Variants in ZEB1 observed in about 807,000 individuals in gnomAD.
ZEB1 encodes zinc finger E-box-binding homeobox 1.
In ZEB1, 21 loss-of-function variants were observed where a neutral mutation model predicts 84.9. The observed-to-expected ratio is 0.25, with a 90% CI of 0.18 to 0.36. The LOEUF is 0.36. Ranked by LOEUF, ZEB1 falls within the 10% of genes least tolerant of loss-of-function variation. ZEB1 has a pLI of 1.00. For missense variants in ZEB1, 1,104 were observed against 1,330.2 expected (o/e 0.83, Z 2.65); for synonymous variants, 420 against 471.1 (o/e 0.89, Z 1.41).
intron 1 of ZEB1, among the ~76,000 whole-genome samples, chr10:31,417,454 G>C (rs947655415): frequency 6.6e-6 from 1 of 152,060 alleles, no homozygotes; most frequent in African/African-American, 2.4e-5. Flanking sequence ...AGAGGAAATT[G>C]CGTATTCTGG....
intron 1 of ZEB1, among the ~76,000 whole-genome samples, chr10:31,370,212 T>C (rs2045444839): frequency 1.3e-5 from 2 of 152,226 alleles, no homozygotes; most frequent in African/African-American, 4.8e-5. Context: ...GGATGAGTTA[T>C]GTCACCTGAA....
chr10:31,461,177 G>C lies in ZEB1; in HGVS notation c.199G>C (p.Val67Leu). The change falls in exon 2 of 9, where the codon GTG (valine) becomes CTG (leucine). Residue 67 changes from valine (V) to leucine (L), a missense_variant. Around this residue, in one of 7 missense-constraint regions of ZEB1, gnomAD observed 162 missense variants for 184.5 expected, o/e 0.88. Coordinates refer to ENST00000424869, the MANE Select transcript of ZEB1 (RefSeq NM_001174096.2). ...GGATGACCTGCCAACAGACCAGACA[G>C]TGTTACCAGGGAGGAGCAGTGAAAG... Reference protein sequence around the residue: ...PEDDLPTDQTVLPGRSSEREG... With the variant: ...PEDDLPTDQTLLPGRSSEREG... 1 of 1,613,530 alleles carries C rather than the reference G, an allele frequency of 6.2e-7. No homozygotes were observed. The highest frequency in any genetic ancestry group is 8.5e-7 in the Non-Finnish European group (1 of 1,179,710).
At chr10:31,483,357 T>C (rs2065304605) in intron 2 of ZEB1, among the ~76,000 whole-genome samples, 1 of 152,032 alleles carries the variant, frequency 6.6e-6, no homozygotes, top group Non-Finnish European at 1.5e-5. Flanking sequence ...GCCAAGATGG[T>C]ACATTAAGTA....
At chr10:31,440,173 G>A (rs2058751123) in intron 1 of ZEB1, among the ~76,000 whole-genome samples, 1 of 152,106 alleles carries the variant, frequency 6.6e-6, no homozygotes, top group Non-Finnish European at 1.5e-5. Context: ...TGAGACTTTT[G>A]GCCTGAACAA....
intron 1 of ZEB1, among the ~76,000 whole-genome samples, chr10:31,460,682 ACT>A (rs995488619): frequency 6.6e-6 from 1 of 151,932 alleles, no homozygotes; most frequent in Non-Finnish European, 1.5e-5. Context: ...TAGACAAGTT[ACT>A]CTCTCTCTGC....
In ZEB1 at chr10:31,527,050, AAG is replaced by A. The variant is rs2073601310; in HGVS notation, c.3166_3167del (p.Glu1056MetfsTer2). 1.9e-6 allele frequency: 3 copies of A among 1,585,028 alleles called. No homozygotes were observed. Among genetic ancestry groups the A allele is most frequent in the East Asian group, 2.3e-5 (1 of 43,102 alleles). On this transcript the variant is annotated frameshift_variant, in exon 9 of 9. Coordinates refer to ENST00000424869, the MANE Select transcript of ZEB1 (RefSeq NM_001174096.2). LOFTEE classifies it low-confidence loss of function (END_TRUNC). ...GAGATGGAAGAATTGCAGGAAGAAA[AAG>A]AATGTGAAAAACCACAAGGGGATGA... is the stretch of plus-strand genomic sequence containing the variant.
At chr10:31,387,220 G>A (rs2135098515) in intron 1 of ZEB1, 1 of 985,792 alleles carries the variant, frequency 1.0e-6, no homozygotes, top group Non-Finnish European at 1.2e-6. Context: ...GGAGGTGTGG[G>A]GTGTGAGAAC....
At chr10:31,378,215 A>T (rs922268767) in intron 1 of ZEB1, among the ~76,000 whole-genome samples, 1 of 151,618 alleles carries the variant, frequency 6.6e-6, no homozygotes, top group Non-Finnish European at 1.5e-5. Context: ...CTGAAGCACC[A>T]CTATATTATC....
Position 31,378,443 on chromosome 10 carries a change from A to G in ZEB1, c.58+59151A>G, listed in dbSNP as rs114252413. Among the ~76,000 whole-genome samples, 1,065 of 151,904 alleles carry G rather than the reference A, an allele frequency of 7.0e-3. 12 individuals carry two copies. Among genetic ancestry groups the G allele is most frequent in the African/African-American group, 0.024 (976 of 41,522 alleles). ...TAGATGCCCTTTATAGGCTTAGTAG[A>G]AGATTTAAGACTACCTATATTTTGA... On this transcript the variant is annotated intron_variant, in intron 1 of 8. Coordinates refer to ENST00000424869, the MANE Select transcript of ZEB1 (RefSeq NM_001174096.2).
At chr10:31,468,517 C>T (rs2062727558) in intron 2 of ZEB1, among the ~76,000 whole-genome samples, 2 of 152,298 alleles carry the variant, frequency 1.3e-5, no homozygotes, top group African/African-American at 4.8e-5. Context: ...AAGTACACAG[C>T]TCTAAGGAAT....
rs539113494 is a variant in ZEB1 at position 31,437,619 on chromosome 10, A to G, written c.59-23418A>G. Among the ~76,000 whole-genome samples, 25 of 152,278 alleles carry G rather than the reference A, an allele frequency of 1.6e-4. No homozygotes were observed. The South Asian group carries it at 2.3e-3, about 14-fold the overall frequency. On this transcript the variant is annotated intron_variant, in intron 1 of 8. Transcript: ENST00000424869. ...CATGTTGAAATTTGGCTCTCAGGAA[A>G]GCTCCCAGAAAGGAAGTCTCCTAGT...
At chr10:31,371,477 C>G (rs1174698174) in intron 1 of ZEB1, among the ~76,000 whole-genome samples, 1 of 152,078 alleles carries the variant, frequency 6.6e-6, no homozygotes, top group Non-Finnish European at 1.5e-5. Flanking sequence ...TTTCATTAGG[C>G]TAAATAAGAA....
intron 1 of ZEB1, among the ~76,000 whole-genome samples, chr10:31,439,078 A>C (rs984145405): frequency 2.0e-5 from 3 of 152,142 alleles, no homozygotes; most frequent in African/African-American, 4.8e-5. Flanking sequence ...CCAGAAAAAC[A>C]AGTCACTCCT....
At chr10:31,337,991 A>G (rs142080190) in intron 1 of ZEB1, among the ~76,000 whole-genome samples, 6 of 152,086 alleles carry the variant, frequency 3.9e-5, no homozygotes, top group Non-Finnish European at 7.4e-5. Context: ...CCTAAGCATA[A>G]TAATTTCTAA....
intron 1 of ZEB1, among the ~76,000 whole-genome samples, chr10:31,337,333 T>C (rs942480736): frequency 6.6e-6 from 1 of 152,152 alleles, no homozygotes; most frequent in Middle Eastern, 3.4e-3. Context: ...AGAGTAGATA[T>C]CACAGGTCAG....
intron 1 of ZEB1, among the ~76,000 whole-genome samples, chr10:31,425,153 G>A (rs2056762453): frequency 6.6e-6 from 1 of 151,866 alleles, no homozygotes; most frequent in South Asian, 2.1e-4. Context: ...GTGTGTATTT[G>A]GTATTTCATT....
At chr10:31,406,656 G>A (rs979461417) in intron 1 of ZEB1, among the ~76,000 whole-genome samples, 2 of 152,064 alleles carry the variant, frequency 1.3e-5, no homozygotes, top group Non-Finnish European at 1.5e-5. Flanking sequence ...TGTTCACTCT[G>A]ATGATAGTTT....
In ZEB1 at chr10:31,363,495, G is replaced by A. The variant is rs879056375; in HGVS notation, c.58+44203G>A. The A allele has an allele frequency of 1.8e-5, 28 of 1,530,974 alleles. No individual in the cohort carries two copies. The Admixed American group carries it at 5.1e-4, about 28-fold the overall frequency. 94.8% of individuals were successfully genotyped at this position (1,530,974 alleles called of 1,614,324 possible). ...GAGTCTCCAGGGGCCTAGAGGTGGA[G>A]GCTGCTTCCCCATTGCTACAGGGGC... On this transcript the variant is annotated intron_variant, in intron 1 of 8. Transcript: ENST00000424869.
intron 1 of ZEB1, chr10:31,363,585 C>T: frequency 2.0e-6 from 3 of 1,522,840 alleles, no homozygotes; most frequent in Non-Finnish European, 2.6e-6. Flanking sequence ...CTTCTTTGGG[C>T]TCTTCTGCGC....
Sources: gnomAD v4.1 joint callset for allele counts (sites outside exome capture counted in the v4.1 genomes callset) on GRCh38, gnomAD v4.1.1 for gene constraint, gnomAD v4.1.1 regional missense constraint, MANE v1.5 for transcripts, NCBI Gene and HGNC (gene_info 2026-07-23, HGNC 2026-07-21) for gene names.